The following MYCBP2 variants were observed in gnomAD, a reference collection of about 807,000 sequenced individuals.
MYCBP2 encodes the protein E3 ubiquitin-protein ligase MYCBP2.
Under a neutral mutation model 525.3 loss-of-function variants are expected in MYCBP2, and 120 were observed. That is an observed-to-expected ratio of 0.23 (90% CI 0.20 to 0.27). MYCBP2 has a LOEUF of 0.27. MYCBP2 is among the 10% of genes least tolerant of loss of function. MYCBP2 has a pLI of 1.00. For missense variants in MYCBP2, 4,149 were observed against 5,657.1 expected (o/e 0.73, Z 8.55); for synonymous variants, 1,894 against 1,955.8 (o/e 0.97, Z 0.83).
chr13:77,080,969 A>G (rs1177972890), intron 65 of MYCBP2: 2 of 154,136 alleles, frequency 1.3e-5, no homozygotes, highest in African/African-American at 4.8e-5. Flanking sequence ...TGATTACACT[A>G]TAGGTCAAAG....
chr13:77,084,514 C>A (rs2043877927), intron 62 of MYCBP2, among the ~76,000 whole-genome samples: 1 of 152,112 alleles, frequency 6.6e-6, no homozygotes, highest in African/African-American at 2.4e-5. Flanking sequence ...CATCTAGATT[C>A]CATCAAGGCT....
intron 49 of MYCBP2, among the ~76,000 whole-genome samples, chr13:77,143,118 G>C (rs562985801): frequency 6.6e-6 from 1 of 152,268 alleles, no homozygotes; most frequent in African/African-American, 2.4e-5. Context: ...AAAGATTAAT[G>C]CCTAAAACAA....
rs189796189 is a variant in MYCBP2 at position 77,210,761 on chromosome 13, G to A, written c.3416+406C>T. Among the ~76,000 whole-genome samples, 361 of 152,218 alleles carry A rather than the reference G, an allele frequency of 2.4e-3. 4 individuals are homozygous for A. The highest frequency in any genetic ancestry group is 8.4e-3 in the African/African-American group (350 of 41,542). On this transcript the variant is annotated intron_variant, in intron 23 of 82. Transcript: ENST00000544440. Reference sequence around the variant, plus strand: ...AATTCTATACAATATAAACAGGATTGATGACAGACTAAAAATAACAACAGA... The same window carrying A: ...AATTCTATACAATATAAACAGGATTAATGACAGACTAAAAATAACAACAGA...
intron 52 of MYCBP2, among the ~76,000 whole-genome samples, chr13:77,131,870 G>C (rs545978745): frequency 3.3e-5 from 5 of 152,048 alleles, no homozygotes; most frequent in Non-Finnish European, 7.4e-5. Flanking sequence ...CTTTCATGGC[G>C]TAGAAAAGAG....
chr13:77,196,267 T>A (rs897420225), intron 26 of MYCBP2, among the ~76,000 whole-genome samples: 1 of 152,128 alleles, frequency 6.6e-6, no homozygotes, highest in African/African-American at 2.4e-5. Flanking sequence ...GAACAAAAGG[T>A]CAGAGAGGTG....
intron 70 of MYCBP2, 115 bp from the exon 71 acceptor site, chr13:77,067,979 G>T: frequency 2.0e-6 from 2 of 995,518 alleles, no homozygotes; most frequent in Non-Finnish European, 2.9e-6. Context: ...CCAGGTTGGA[G>T]TGCAGTGGAG....
At chr13:77,146,344 A>C in intron 47 of MYCBP2, 127 bp from the exon 48 acceptor site, 1 of 457,466 alleles carries the variant, frequency 2.2e-6, no homozygotes, top group Non-Finnish European at 3.6e-6. Context: ...AAAAAGAAAA[A>C]AAATTACCTA....
intron 34 of MYCBP2, among the ~76,000 whole-genome samples, chr13:77,179,353 A>G (rs1169555484): frequency 2.0e-5 from 3 of 152,204 alleles, no homozygotes; most frequent in African/African-American, 7.2e-5. Flanking sequence ...TGATTTTCCA[A>G]ACCAATCTAC....
rs1340309729 is a variant in MYCBP2 at position 77,326,758 on chromosome 13, C to G, written c.18G>C (p.Ala6=). Residue 6 remains alanine, a synonymous_variant, in exon 1 of 83, where the codon GCG becomes GCC. Transcript: ENST00000544440. The surrounding 1 kb of genome is among the most constrained non-coding windows in gnomAD (Gnocchi z 4.2). ...AGGAGGCGGCGGCGGGGGAGGCAGT[C>G]GCTGCGCACATCATCATCCTCGCCG... MMMCA[A]TASPAAASSG... 7.1e-7 allele frequency: 1 copy of G among 1,417,214 alleles called. No individual in the cohort carries two copies. Among genetic ancestry groups the G allele is most frequent in the Non-Finnish European group, 9.1e-7 (1 of 1,100,112 alleles). The allele number at this position is 1,417,214 out of a possible 1,614,324, so 87.8% of individuals were successfully genotyped here.
At chr13:77,150,278 C>T (rs979042183) in intron 47 of MYCBP2, among the ~76,000 whole-genome samples, 1 of 152,132 alleles carries the variant, frequency 6.6e-6, no homozygotes, top group Non-Finnish European at 1.5e-5. Flanking sequence ...TAGTAAACTG[C>T]AAATAGACAA....
Position 77,194,213 on chromosome 13 carries a change from T to C in MYCBP2, c.3875A>G (p.His1292Arg), listed in dbSNP as rs2061543501. The change falls in exon 27 of 83, where the codon CAT becomes CGT. Residue 1292 changes from histidine to arginine, a missense_variant. Transcript: ENST00000544440. ...LFELGPDGGD[H>R]ETDGDLLAET... ...TGCAAGAAGGTCACCATCAGTTTCATGATCTCCTCCATCAGGACCCAATTC... is the reference window on the plus strand; with the variant it reads ...TGCAAGAAGGTCACCATCAGTTTCACGATCTCCTCCATCAGGACCCAATTC... The C allele has an allele frequency of 1.2e-6, 2 of 1,613,456 alleles. No individual in the cohort carries two copies. The highest frequency in any genetic ancestry group is 1.3e-5 in the African/African-American group (1 of 74,916).
chr13:77,122,550 G>A (rs1001913133), intron 54 of MYCBP2, among the ~76,000 whole-genome samples: 1 of 151,902 alleles, frequency 6.6e-6, no homozygotes. Context: ...TTAGCCGGGC[G>A]TGGTGGCCGG....
chr13:77,193,549 C>T, intron 27 of MYCBP2, among the ~76,000 whole-genome samples: 1 of 152,096 alleles, frequency 6.6e-6, no homozygotes, highest in Non-Finnish European at 1.5e-5. Flanking sequence ...AACCAGGGAA[C>T]ACTGATCATA....
chr13:77,063,730 T>C (rs945760801), intron 73 of MYCBP2, among the ~76,000 whole-genome samples: 1 of 151,910 alleles, frequency 6.6e-6, no homozygotes, highest in East Asian at 1.9e-4. Context: ...TGTTATTGGA[T>C]ACAGAAAGCA....
chr13:77,199,722 G>A (rs1246321995), intron 26 of MYCBP2, among the ~76,000 whole-genome samples: 1 of 152,204 alleles, frequency 6.6e-6, no homozygotes, highest in Non-Finnish European at 1.5e-5. Context: ...CTCCTCAAGT[G>A]GGTCCCTGAC....
intron 55 of MYCBP2, among the ~76,000 whole-genome samples, chr13:77,116,505 T>G (rs1594684935): frequency 1.3e-5 from 2 of 152,166 alleles, no homozygotes; most frequent in South Asian, 4.1e-4. Context: ...CTTTTTTTTG[T>G]GATGCTAAAG....
At chr13:77,321,387 G>A (rs2081591804) in intron 1 of MYCBP2, among the ~76,000 whole-genome samples, 1 of 152,142 alleles carries the variant, frequency 6.6e-6, no homozygotes, top group Non-Finnish European at 1.5e-5. Flanking sequence ...GCTACATGAA[G>A]AAAATTACTA....
chr13:77,078,162 A>G (rs2042645783), intron 66 of MYCBP2: 1 of 152,230 alleles, frequency 6.6e-6, no homozygotes, highest in Non-Finnish European at 1.5e-5. Flanking sequence ...TTATTTTCCC[A>G]AATTCTTCAA....
Position 77,318,537 on chromosome 13 carries a change from C to T in MYCBP2, c.302+7937G>A, listed in dbSNP as rs780437111. Among the ~76,000 whole-genome samples the T allele has an allele frequency of 7.9e-5, 12 of 152,292 alleles. No individual in the cohort carries two copies. In the East Asian group the frequency reaches 9.6e-4, roughly 12 times the overall value. On this transcript the variant is annotated intron_variant, in intron 1 of 82. Transcript: ENST00000544440. ...TTGGGAGAACGAGGCAGGCGGATCA[C>T]GAGGTGAGGAGTTCGAGACCAGCCT...
Sources: gnomAD v4.1 joint callset for allele counts (sites outside exome capture counted in the v4.1 genomes callset) on GRCh38, gnomAD v4.1.1 for gene constraint, Gnocchi (gnomAD v3.1) non-coding constraint, MANE v1.5 for transcripts, NCBI Gene and HGNC (gene_info 2026-07-23, HGNC 2026-07-21) for gene names.